Variants in SNX29 observed in about 807,000 individuals in gnomAD.
SNX29 encodes the protein sorting nexin 29.
SNX29 carries 78 observed loss-of-function variants against 102.1 expected under a neutral mutation model. That is an observed-to-expected ratio of 0.76 (90% CI 0.64 to 0.92). SNX29 has a LOEUF of 0.92. Among genes scored for constraint, SNX29 ranks in the 40% least tolerant of loss-of-function variants. The probability of loss-of-function intolerance (pLI) is 0.00; values close to 1 mark genes in which losing one functional copy is unlikely to be tolerated. For synonymous variants in SNX29, 580 were observed against 414.5 expected (o/e 1.40, Z -4.85); for missense variants, 1,280 against 1,061.7 (o/e 1.21, Z -2.86).
At chr16:12,439,155 G>T (rs916895740) in intron 18 of SNX29, among the ~76,000 whole-genome samples, 1 of 152,220 alleles carries the variant, frequency 6.6e-6, no homozygotes, top group Non-Finnish European at 1.5e-5. Context: ...GGTTGCAGGG[G>T]CACCTGAGAA....
At chr16:12,461,683 G>A (rs930748853) in intron 18 of SNX29, among the ~76,000 whole-genome samples, 14 of 151,856 alleles carry the variant, frequency 9.2e-5, no homozygotes, top group African/African-American at 3.1e-4. Context: ...CTGGCCAGGT[G>A]CCATTGCTCA....
rs377642600 is a variant in SNX29 at position 12,436,389 on chromosome 16, C to T, written c.2037+32860C>T. On this transcript the variant is annotated intron_variant, in intron 18 of 20. Transcript: ENST00000566228. ...AGACAGCGACAGCTTGGCGTCAGTG[C>T]GATGCGTGACATTTCCGTGTGTAAG... is the stretch of plus-strand genomic sequence containing the variant. Among the ~76,000 whole-genome samples the T allele has an allele frequency of 7.9e-5, 12 of 152,226 alleles. No homozygotes were observed. In the East Asian group the frequency reaches 9.6e-4, roughly 12 times the overall value.
At chr16:12,328,805 C>T (rs1344734937) in intron 15 of SNX29, among the ~76,000 whole-genome samples, 2 of 152,034 alleles carry the variant, frequency 1.3e-5, no homozygotes, top group Non-Finnish European at 2.9e-5. Flanking sequence ...ATGATTTAGG[C>T]AAAGATGGAG....
chr16:11,994,588 G>C (rs1001231176), intron 1 of SNX29, among the ~76,000 whole-genome samples: 4 of 152,190 alleles, frequency 2.6e-5, no homozygotes, highest in Non-Finnish European at 5.9e-5. Flanking sequence ...TTTCCTCTCT[G>C]AGTCACAGTG....
At chr16:12,073,058 T>C (rs981222614) in intron 10 of SNX29, among the ~76,000 whole-genome samples, 8 of 152,186 alleles carry the variant, frequency 5.3e-5, no homozygotes, top group South Asian at 2.1e-4. Context: ...TTCTTCTCTC[T>C]TTTTTTCTTT....
At chr16:12,273,182 C>T (rs2079142660) in intron 14 of SNX29, among the ~76,000 whole-genome samples, 1 of 152,120 alleles carries the variant, frequency 6.6e-6, no homozygotes, top group Admixed American at 6.6e-5. Context: ...GGCAGTCTCT[C>T]CTGGTGCCTT....
In SNX29 at chr16:11,991,711, C is replaced by CT. The variant is rs762156831; in HGVS notation, c.8-7566dup. ...GTGCATGCCACCACCTGAGGCTAAT[C>CT]TTTTTTTTTTTTTTTTTTTTCCAGT... On this transcript the variant is annotated intron_variant, in intron 1 of 20. Coordinates refer to ENST00000566228, the MANE Select transcript of SNX29 (RefSeq NM_032167.5). 1.8e-3 allele frequency among the ~76,000 whole-genome samples: 216 copies of CT among 118,342 alleles called. 1 individual carries two copies. Among genetic ancestry groups the CT allele is most frequent in the African/African-American group, 3.4e-3 (107 of 31,632 alleles). The allele number at this position is 118,342 out of a possible 152,430, so 77.6% of individuals were successfully genotyped here.
rs75996327 is a variant in SNX29 at position 12,467,655 on chromosome 16, C to CATTCATT, written c.2038-10064_2038-10063insATTCATT. ...TCGTTCGTTCATTCATTCATTCATT[C>CATTCATT]CATTCACTCATTCATTCATTCATTC... On this transcript the variant is annotated intron_variant, in intron 18 of 20. Coordinates refer to ENST00000566228, the MANE Select transcript of SNX29 (RefSeq NM_032167.5). Among the ~76,000 whole-genome samples the CATTCATT allele has an allele frequency of 3.0e-3, 427 of 143,552 alleles. 1 individual carries two copies. Among genetic ancestry groups the CATTCATT allele is most frequent in the East Asian group, 0.011 (45 of 4,134 alleles). 94.2% of individuals were successfully genotyped at this position (143,552 alleles called of 152,430 possible). A position where few individuals can be genotyped will look rare whatever the true frequency, so the allele number is the denominator to read the frequency against.
chr16:12,017,324 C>A (rs1234725187), intron 3 of SNX29, among the ~76,000 whole-genome samples: 1 of 152,136 alleles, frequency 6.6e-6, no homozygotes, highest in Admixed American at 6.6e-5. Flanking sequence ...AGTATCTTTT[C>A]TTATATTTAT....
intron 13 of SNX29, among the ~76,000 whole-genome samples, chr16:12,153,712 A>T (rs577664219): frequency 6.6e-6 from 1 of 151,614 alleles, no homozygotes. Flanking sequence ...TCATGGCCTG[A>T]AGTGATCCAT....
chr16:12,552,222 C>T (rs997981648), intron 20 of SNX29, among the ~76,000 whole-genome samples: 1 of 151,780 alleles, frequency 6.6e-6, no homozygotes, highest in Non-Finnish European at 1.5e-5. Flanking sequence ...TGGAGTCAGA[C>T]ATCCAGCACC....
chr16:12,503,246 GT>G (rs1251461658), intron 19 of SNX29, among the ~76,000 whole-genome samples: 3 of 152,140 alleles, frequency 2.0e-5, no homozygotes, highest in African/African-American at 7.2e-5. Context: ...GTTCCTTTTT[GT>G]GAAGCAGGTG....
At chr16:12,330,403 G>C (rs1225268824) in intron 15 of SNX29, among the ~76,000 whole-genome samples, 1 of 152,166 alleles carries the variant, frequency 6.6e-6, no homozygotes, top group Non-Finnish European at 1.5e-5. Flanking sequence ...GGAGGCAGAG[G>C]TTGCAGTGAG....
chr16:11,986,976 A>G (rs1296169244), intron 1 of SNX29, among the ~76,000 whole-genome samples: 5 of 152,248 alleles, frequency 3.3e-5, no homozygotes, highest in Admixed American at 6.5e-5. Flanking sequence ...ATTGATGCTC[A>G]GGAAGTCATT....
intron 19 of SNX29, among the ~76,000 whole-genome samples, chr16:12,504,379 A>G (rs1159305395): frequency 2.6e-5 from 4 of 151,890 alleles, no homozygotes; most frequent in South Asian, 4.1e-4. Flanking sequence ...AAGAAACTCT[A>G]TATCCATACG....
chr16:12,185,452 C>G (rs1272949885), intron 13 of SNX29, among the ~76,000 whole-genome samples: 1 of 152,154 alleles, frequency 6.6e-6, no homozygotes, highest in Non-Finnish European at 1.5e-5. Context: ...CCTTCTTTCC[C>G]TCCCTCCTCT....
At chr16:12,543,379 A>G (rs572175126) in intron 20 of SNX29, among the ~76,000 whole-genome samples, 1 of 152,320 alleles carries the variant, frequency 6.6e-6, no homozygotes, top group African/African-American at 2.4e-5. Flanking sequence ...TGGACTGAAC[A>G]TGATTATCCA....
intron 13 of SNX29, among the ~76,000 whole-genome samples, chr16:12,188,752 T>A (rs936598418): frequency 3.9e-5 from 6 of 152,092 alleles, no homozygotes; most frequent in African/African-American, 1.4e-4. Context: ...ACAGCTCCAT[T>A]TTCCACCCCC....
chr16:12,328,029 T>G (rs540758407), intron 15 of SNX29, among the ~76,000 whole-genome samples: 24 of 152,304 alleles, frequency 1.6e-4, no homozygotes, highest in Middle Eastern at 6.8e-3. Context: ...CAGACTGTTG[T>G]GGGTTTCTAA....
Sources: allele counts gnomAD v4.1 joint callset (sites outside exome capture counted in the v4.1 genomes callset), GRCh38; gene constraint gnomAD v4.1.1; transcripts MANE v1.5; gene names NCBI Gene and HGNC (gene_info 2026-07-23, HGNC 2026-07-21).